The following FBXL4 variants were observed in gnomAD, a reference collection of about 807,000 sequenced individuals.
FBXL4 encodes F-box/LRR-repeat protein 4.
A neutral mutation model predicts 58.9 loss-of-function variants in FBXL4; 40 were observed. The ratio of observed to expected loss-of-function variants is 0.68; its 90% CI spans 0.53 to 0.88. The LOEUF (loss-of-function observed/expected upper bound fraction) is 0.88, where lower values mean the gene tolerates loss of function less well. Ranked by LOEUF, FBXL4 falls within the 40% of genes least tolerant of loss-of-function variation. FBXL4 has a pLI of 0.00. For synonymous variants in FBXL4, 263 were observed against 265.5 expected, an observed-to-expected ratio of 0.99 and a Z score of 0.09; for missense variants, 676 against 734.4, an observed-to-expected ratio of 0.92 and a Z score of 0.92.
chr6:98,940,175 TTA>T (rs2128412437), intron 1 of FBXL4, among the ~76,000 whole-genome samples: 1 of 152,336 alleles, frequency 6.6e-6, no homozygotes, highest in South Asian at 2.1e-4. Context: ...TATATTTTAT[TTA>T]TTTGTGAAAT....
At chr6:98,934,593 G>GA (rs1414046824) in intron 2 of FBXL4, among the ~76,000 whole-genome samples, 169 bp downstream of exon 2, 2 of 152,130 alleles carry the variant, frequency 1.3e-5, no homozygotes, top group East Asian at 3.9e-4. Flanking sequence ...AACTAACATT[G>GA]AAAAAATCTA....
intron 6 of FBXL4, among the ~76,000 whole-genome samples, chr6:98,900,866 C>G (rs544365925): frequency 5.3e-5 from 8 of 152,292 alleles, no homozygotes; most frequent in Non-Finnish European, 1.0e-4. Flanking sequence ...TTCCTTAAAA[C>G]TCTGACACTC....
chr6:98,879,803 C>T (rs1224271915), intron 8 of FBXL4, among the ~76,000 whole-genome samples: 1 of 151,886 alleles, frequency 6.6e-6, no homozygotes, highest in East Asian at 1.9e-4. Flanking sequence ...ATTAGCCGGG[C>T]ATAGTGGTAC....
At chr6:98,890,091 T>A (rs1771173013) in intron 7 of FBXL4, among the ~76,000 whole-genome samples, 1 of 152,228 alleles carries the variant, frequency 6.6e-6, no homozygotes, top group Admixed American at 6.5e-5. Context: ...TGCAGTAATA[T>A]GTTTGCTATT....
intron 6 of FBXL4, 109 bp downstream of exon 6, chr6:98,905,317 T>C: frequency 7.9e-7 from 1 of 1,262,628 alleles, no homozygotes; most frequent in Non-Finnish European, 1.1e-6. Context: ...CTTTTTATTT[T>C]TGTAAGTACA....
At chr6:98,897,154 A>C in intron 7 of FBXL4, 1 of 983,006 alleles carries the variant, frequency 1.0e-6, no homozygotes, top group Non-Finnish European at 1.2e-6. Flanking sequence ...ACAATCAGAA[A>C]ATTTTAAATG....
intron 6 of FBXL4, among the ~76,000 whole-genome samples, chr6:98,903,392 G>A (rs1482837372): frequency 6.6e-6 from 1 of 151,900 alleles, no homozygotes; most frequent in African/African-American, 2.4e-5. Flanking sequence ...TTTCTTAATG[G>A]GAATAGTGAC....
chr6:98,905,395 GA>G lies in FBXL4; in HGVS notation c.1103+30del, dbSNP rs377101732. 7.6e-4 allele frequency: 1,209 copies of G among 1,599,796 alleles called. 24 individuals carry two copies. The South Asian group carries it at 0.01, about 14-fold the overall frequency. On this transcript the variant is annotated intron_variant, in intron 6 of 9. Coordinates refer to ENST00000369244, the MANE Select transcript of FBXL4 (RefSeq NM_001278716.2). ...ATAAGTATAACCTGCTGCTGGGGGGGAAAAAAACTTCATCAAGGCTTTGTAC... is the reference window on the plus strand; with the variant it reads ...ATAAGTATAACCTGCTGCTGGGGGGGAAAAAACTTCATCAAGGCTTTGTAC...
chr6:98,887,058 G>A (rs933495238), intron 7 of FBXL4, among the ~76,000 whole-genome samples: 1 of 152,034 alleles, frequency 6.6e-6, no homozygotes, highest in Non-Finnish European at 1.5e-5. Flanking sequence ...AAACCAGCCT[G>A]GGCAACATGG....
At position 98,908,179 on chromosome 6, in the gene FBXL4, C is replaced by G. The variant is rs1354509236; in HGVS notation, c.859-2509G>C. Among the ~76,000 whole-genome samples, 3 of 152,180 alleles carry G rather than the reference C, an allele frequency of 2.0e-5. No individual in the cohort carries two copies. The East Asian group carries it at 5.8e-4, about 29-fold the overall frequency. On this transcript the variant is annotated intron_variant, in intron 5 of 9. Coordinates refer to ENST00000369244, the MANE Select transcript of FBXL4 (RefSeq NM_001278716.2). The stretch of plus-strand genomic sequence containing the variant: ...GGTCTAAAATAAGAAGTTTCTTCCT[C>G]TCTACACTCAGTTCTAACCATCCCT...
At chr6:98,915,784 C>T (rs1251982594) in intron 5 of FBXL4, among the ~76,000 whole-genome samples, 1 of 151,886 alleles carries the variant, frequency 6.6e-6, no homozygotes, top group Non-Finnish European at 1.5e-5. Context: ...TCTAAAACAC[C>T]AAAAGCAATG....
In FBXL4 at chr6:98,917,672, T is replaced by G. The variant is rs1772419838; in HGVS notation, c.560A>C (p.Gln187Pro). ...AATACAAGGTTTAAACTGGCGAGCT[T>G]GGGAAGCATTCACCTTCGTAGGTCT... Reference protein sequence around the residue: ...SERPTKVNASQARQFKPCIKQ... With the variant: ...SERPTKVNASPARQFKPCIKQ... Residue 187 changes from glutamine to proline, a missense_variant, in exon 5 of 10, where the codon CAA (glutamine) becomes CCA (proline). Gln to Pro is a moderately conservative substitution (Grantham distance 76). Transcript: ENST00000369244. The G allele has an allele frequency of 1.2e-6, 2 of 1,612,834 alleles. No homozygotes were observed. The highest frequency in any genetic ancestry group is 1.7e-6 in the Non-Finnish European group (2 of 1,179,388).
intron 6 of FBXL4, among the ~76,000 whole-genome samples, chr6:98,903,780 A>G (rs1220156732): frequency 6.6e-6 from 1 of 152,178 alleles, no homozygotes; most frequent in Non-Finnish European, 1.5e-5. Context: ...GCTGGACTTC[A>G]GCCATTCACG....
chr6:98,937,188 T>C (rs370391584), intron 1 of FBXL4, among the ~76,000 whole-genome samples: 1 of 151,874 alleles, frequency 6.6e-6, no homozygotes, highest in African/African-American at 2.4e-5. Flanking sequence ...CACACACCTA[T>C]AATCCCAACT....
At chr6:98,877,335 T>A (rs1356803389) in intron 8 of FBXL4, among the ~76,000 whole-genome samples, 2 of 152,148 alleles carry the variant, frequency 1.3e-5, no homozygotes, top group Non-Finnish European at 2.9e-5. Context: ...AAAAAAAATT[T>A]AAAAACTTTA....
At chr6:98,901,432 T>C (rs745507808) in intron 6 of FBXL4, among the ~76,000 whole-genome samples, 12 of 152,064 alleles carry the variant, frequency 7.9e-5, no homozygotes, top group Non-Finnish European at 8.8e-5. Context: ...GTAGTGTGTG[T>C]CACTATAAAG....
At chr6:98,912,222 G>A (rs974206996) in intron 5 of FBXL4, among the ~76,000 whole-genome samples, 2 of 152,302 alleles carry the variant, frequency 1.3e-5, no homozygotes, top group African/African-American at 4.8e-5. Context: ...AAAGTGACAG[G>A]GAGAATGGAA....
intron 7 of FBXL4, among the ~76,000 whole-genome samples, chr6:98,885,228 C>CA (rs1358823582): frequency 2.6e-5 from 4 of 152,152 alleles, no homozygotes; most frequent in African/African-American, 9.7e-5. Flanking sequence ...CTCAGCCTCC[C>CA]AAGTGGCTGG....
At chr6:98,928,211 G>A (rs374151493) in intron 2 of FBXL4, among the ~76,000 whole-genome samples, 5 of 152,102 alleles carry the variant, frequency 3.3e-5, no homozygotes, top group African/African-American at 9.7e-5. Flanking sequence ...AACATAGGCT[G>A]GGGCCCATCC....
Sources: allele counts gnomAD v4.1 joint callset (sites outside exome capture counted in the v4.1 genomes callset), GRCh38; gene constraint gnomAD v4.1.1; transcripts MANE v1.5; gene names NCBI Gene and HGNC (gene_info 2026-07-23, HGNC 2026-07-21).